SLC22A23: variants seen among roughly 807,000 people sequenced by gnomAD.
The protein encoded by SLC22A23 is solute carrier family 22 member 23, also known as ion transporter protein.
SLC22A23 carries 26 observed loss-of-function variants against 61.0 expected under a neutral mutation model. That is an observed-to-expected ratio of 0.43 (90% CI 0.31 to 0.59). The LOEUF is 0.59. SLC22A23 is among the 20% of genes least tolerant of loss of function. The pLI, the probability that SLC22A23 is intolerant of heterozygous loss-of-function variation, is 0.11. For missense variants in SLC22A23, 796 were observed against 934.7 expected, an observed-to-expected ratio of 0.85 and a Z score of 1.94; for synonymous variants, 430 against 413.9, an observed-to-expected ratio of 1.04 and a Z score of -0.47.
chr6:3,454,220 C>A lies in SLC22A23; in HGVS notation c.654+1686G>T, dbSNP rs1212740790. ...ACATGAGGGCTGTCTGTGACCCTCT[C>A]GAATGCTAATTTAGAAAAACTGCCC... On this transcript the variant is annotated intron_variant, in intron 1 of 9. Coordinates refer to ENST00000406686, the MANE Select transcript of SLC22A23 (RefSeq NM_015482.2). The surrounding 1 kb of genome is among the most constrained non-coding windows in gnomAD (Gnocchi z 4.3). Among the ~76,000 whole-genome samples, 1 of 152,168 alleles carries A rather than the reference C, an allele frequency of 6.6e-6. No homozygotes were observed. Among genetic ancestry groups the A allele is most frequent in the Admixed American group, 6.5e-5 (1 of 15,284 alleles).
In SLC22A23 at chr6:3,427,741, A is replaced by G. The variant is rs1225945567; in HGVS notation, c.655-11886T>C. Among the ~76,000 whole-genome samples, 1 of 152,192 alleles carries G rather than the reference A, an allele frequency of 6.6e-6. No individual in the cohort carries two copies. The highest frequency in any genetic ancestry group is 1.5e-5 in the Non-Finnish European group (1 of 68,034). ...TTTTTCTGACCAAAAGAAAAAAAAA[A>G]GTAGGATGGTTCTCAAAAGCTGACA... On this transcript the variant is annotated intron_variant, in intron 1 of 9. Transcript: ENST00000406686. This position sits in a 1 kb window ranked among gnomAD's most constrained non-coding sequence, Gnocchi z 4.3.
chr6:3,456,490 T>C lies in SLC22A23; in HGVS notation c.70A>G (p.Asn24Asp), dbSNP rs1357437143. 1.8e-6 allele frequency: 2 copies of C among 1,131,998 alleles called. No homozygotes were observed. Among genetic ancestry groups the C allele is most frequent in the South Asian group, 4.3e-5 (1 of 23,406 alleles). The allele number at this position is 1,131,998 out of a possible 1,614,324, so 70.1% of individuals were successfully genotyped here. The change falls in exon 1 of 10, where the codon AAC becomes GAC. Residue 24 changes from asparagine (N) to aspartate (D), a missense_variant. By Grantham distance (23) the Asn-to-Asp change is conservative. Transcript: ENST00000406686. This position sits in a 1 kb window ranked among gnomAD's most constrained non-coding sequence, Gnocchi z 7.1. ...PGRQPAPAEE[N>D]GSLPPGDAAA... Reference sequence around the variant, plus strand: ...GCGTCCCCGGGCGGCAGGGAGCCGTTCTCCTCGGCCGGGGCCGGCTGCCGC... The same window carrying C: ...GCGTCCCCGGGCGGCAGGGAGCCGTCCTCCTCGGCCGGGGCCGGCTGCCGC...
chr6:3,395,325 G>C (rs1317535203), intron 3 of SLC22A23, among the ~76,000 whole-genome samples: 2 of 152,282 alleles, frequency 1.3e-5, no homozygotes, highest in East Asian at 3.9e-4. Flanking sequence ...TATGAATAAA[G>C]TAGTAGGAGA....
chr6:3,270,935 G>A lies in SLC22A23; in HGVS notation c.*2120C>T, dbSNP rs941100212. ...CAGTACAGTAAGTGGACTGCAGGGTGGCCTGGTGCTGAGGGTGATGGGTGC... is the reference window on the plus strand; with the variant it reads ...CAGTACAGTAAGTGGACTGCAGGGTAGCCTGGTGCTGAGGGTGATGGGTGC... On this transcript the variant is annotated 3_prime_UTR_variant, in exon 10 of 10. Coordinates refer to ENST00000406686, the MANE Select transcript of SLC22A23 (RefSeq NM_015482.2). 3.3e-5 allele frequency: 5 copies of A among 152,444 alleles called. No homozygotes were observed. The highest frequency in any genetic ancestry group is 1.2e-4 in the African/African-American group (5 of 41,460). The allele number at this position is 152,444 out of a possible 1,614,324, so 9.4% of individuals were successfully genotyped here.
In SLC22A23 at chr6:3,287,018, C is replaced by T; in HGVS notation, c.1387G>A (p.Glu463Lys). Residue 463 changes from glutamate to lysine, a missense_variant, in exon 7 of 10, where the codon GAG (glutamate) becomes AAG (lysine). Transcript: ENST00000406686. ...GTATAGTAGTCAGCATAGAAGTTCT[C>T]CAGGAGCGGCACCTTCACCTCGTGG... ...MGHEVKVPLLENFYADYYTTA... is the reference protein window; with the variant it reads ...MGHEVKVPLLKNFYADYYTTA... 1 of 1,614,230 alleles carries T rather than the reference C, an allele frequency of 6.2e-7. No homozygotes were observed. Among genetic ancestry groups the T allele is most frequent in the Non-Finnish European group, 8.5e-7 (1 of 1,180,044 alleles).
chr6:3,296,999 A>G (rs1214125420), intron 5 of SLC22A23, among the ~76,000 whole-genome samples: 1 of 152,202 alleles, frequency 6.6e-6, no homozygotes, highest in African/African-American at 2.4e-5. Context: ...CCCCTGGAGC[A>G]AAGCTTCCGC....
At chr6:3,433,396 C>T (rs1444781724) in intron 1 of SLC22A23, among the ~76,000 whole-genome samples, 1 of 152,162 alleles carries the variant, frequency 6.6e-6, no homozygotes, top group Non-Finnish European at 1.5e-5. Context: ...GCCAGGGATC[C>T]CTGCCCCTAA....
At chr6:3,411,035 C>G (rs1769197774) in intron 2 of SLC22A23, among the ~76,000 whole-genome samples, 2 of 152,058 alleles carry the variant, frequency 1.3e-5, no homozygotes, top group African/African-American at 4.8e-5. Flanking sequence ...CCACAGATAC[C>G]CTCAATTCGT....
chr6:3,427,589 G>A lies in SLC22A23; in HGVS notation c.655-11734C>T, dbSNP rs1052613326. On this transcript the variant is annotated intron_variant, in intron 1 of 9. Transcript: ENST00000406686. The surrounding 1 kb of genome is among the most constrained non-coding windows in gnomAD (Gnocchi z 4.3). ...GTCCAGGTCTACCCGGGGCTCTACCGTGCTTTCAGGTCCTCCCACCACCTC... is the reference window on the plus strand; with the variant it reads ...GTCCAGGTCTACCCGGGGCTCTACCATGCTTTCAGGTCCTCCCACCACCTC... 4.6e-5 allele frequency among the ~76,000 whole-genome samples: 7 copies of A among 152,072 alleles called. No individual in the cohort carries two copies. In the East Asian group the frequency reaches 5.8e-4, roughly 13 times the overall value.
At chr6:3,403,283 C>A (rs1437294551) in intron 3 of SLC22A23, among the ~76,000 whole-genome samples, 1 of 151,838 alleles carries the variant, frequency 6.6e-6, no homozygotes, top group Non-Finnish European at 1.5e-5. Context: ...CTCTCTTACA[C>A]TCCTGAACAA....
At chr6:3,346,300 G>A (rs891426336) in intron 3 of SLC22A23, among the ~76,000 whole-genome samples, 1 of 152,124 alleles carries the variant, frequency 6.6e-6, no homozygotes, top group African/African-American at 2.4e-5. Context: ...GTCTGAAGCT[G>A]CAATCACCCC....
rs1039394600 is a variant in SLC22A23 at position 3,285,025 on chromosome 6, C to A, written c.1579+54G>T. The stretch of plus-strand genomic sequence containing the variant: ...GGTCCGTGAGTCTTCGAGAAAACAC[C>A]CATTTAGATGTAATATGAGACGAGG... On this transcript the variant is annotated intron_variant, in intron 8 of 9. Transcript: ENST00000406686. 13 of 1,602,414 alleles carry A rather than the reference C, an allele frequency of 8.1e-6. No individual in the cohort carries two copies. The African/African-American group carries it at 1.3e-4, about 17-fold the overall frequency.
chr6:3,284,044 G>C, intron 8 of SLC22A23, 69 bp from the exon 9 acceptor site: 1 of 1,489,892 alleles, frequency 6.7e-7, no homozygotes, highest in South Asian at 1.3e-5. Flanking sequence ...GGGAGGCCTG[G>C]GGCTGCACAG....
At chr6:3,289,529 C>CATG (rs1308261187) in intron 6 of SLC22A23, among the ~76,000 whole-genome samples, 4 of 152,220 alleles carry the variant, frequency 2.6e-5, no homozygotes, top group African/African-American at 9.7e-5. Flanking sequence ...CTCATGGGCA[C>CATG]GTGGTGGGGA....
chr6:3,433,389 A>G (rs1770995207), intron 1 of SLC22A23, among the ~76,000 whole-genome samples: 1 of 152,182 alleles, frequency 6.6e-6, no homozygotes, highest in Non-Finnish European at 1.5e-5. Context: ...CTCTAGGGCC[A>G]GGGATCCCTG....
intron 9 of SLC22A23, among the ~76,000 whole-genome samples, chr6:3,275,496 C>T (rs1251415467): frequency 6.6e-6 from 1 of 152,178 alleles, no homozygotes; most frequent in Non-Finnish European, 1.5e-5. Context: ...AACTCCTACC[C>T]TTCAAAAGAT....
At chr6:3,395,384 G>A (rs1767941448) in intron 3 of SLC22A23, among the ~76,000 whole-genome samples, 3 of 152,216 alleles carry the variant, frequency 2.0e-5, no homozygotes, top group Admixed American at 1.3e-4. Context: ...CTGAGCGTCA[G>A]GCAGGGGACC....
chr6:3,382,091 T>G (rs1250126977), intron 3 of SLC22A23, among the ~76,000 whole-genome samples: 2 of 152,222 alleles, frequency 1.3e-5, no homozygotes, highest in Admixed American at 1.3e-4. Flanking sequence ...AGGATGCTGC[T>G]CTGCTCTCTC....
At chr6:3,362,207 C>A (rs1199127939) in intron 3 of SLC22A23, among the ~76,000 whole-genome samples, 1 of 151,396 alleles carries the variant, frequency 6.6e-6, no homozygotes, top group Non-Finnish European at 1.5e-5. Flanking sequence ...AGTTCGAGAC[C>A]AGCCTGGGCA....
Sources: allele counts gnomAD v4.1 joint callset (sites outside exome capture counted in the v4.1 genomes callset), GRCh38; gene constraint gnomAD v4.1.1; non-coding constraint Gnocchi (gnomAD v3.1); transcripts MANE v1.5; gene names NCBI Gene and HGNC (gene_info 2026-07-23, HGNC 2026-07-21).